Variants in SCAPER observed in about 807,000 individuals in gnomAD.
SCAPER encodes S-phase cyclin A associated protein in the ER, also known as S phase cyclin A-associated protein in the endoplasmic reticulum.
Under a neutral mutation model 182.2 loss-of-function variants are expected in SCAPER, and 98 were observed. That is an observed-to-expected ratio of 0.54 (90% CI 0.46 to 0.64). The LOEUF is 0.64. Ranked by LOEUF, SCAPER falls within the 30% of genes least tolerant of loss-of-function variation. The probability of loss-of-function intolerance (pLI) is 0.00; values close to 1 mark genes in which losing one functional copy is unlikely to be tolerated. For synonymous variants in SCAPER, 605 were observed against 564.6 expected (o/e 1.07, Z -1.01); for missense variants, 1,432 against 1,690.0 (o/e 0.85, Z 2.68).
intron 24 of SCAPER, chr15:76,472,342 C>G: frequency 1.4e-6 from 1 of 702,826 alleles, no homozygotes; most frequent in Non-Finnish European, 2.6e-6. Flanking sequence ...GCACAGAAAG[C>G]TGAAGGTGCT....
At chr15:76,689,401 A>G (rs1433097975) in intron 20 of SCAPER, among the ~76,000 whole-genome samples, 1 of 152,140 alleles carries the variant, frequency 6.6e-6, no homozygotes, top group African/African-American at 2.4e-5. Context: ...AGAAAACAGA[A>G]AACAGATTTT....
At chr15:76,765,716 A>T in intron 11 of SCAPER, 78 bp from the exon 12 acceptor site, 1 of 1,145,880 alleles carries the variant, frequency 8.7e-7, no homozygotes, top group Non-Finnish European at 1.3e-6. Flanking sequence ...ATACATGAAA[A>T]TGTCCTACCT....
chr15:76,646,583 G>T (rs1026855977), intron 21 of SCAPER, among the ~76,000 whole-genome samples: 1 of 152,124 alleles, frequency 6.6e-6, no homozygotes, highest in Non-Finnish European at 1.5e-5. Flanking sequence ...ACAGTCCAAT[G>T]ATTAGAACTT....
At chr15:76,874,866 G>A (rs2073031390) in intron 2 of SCAPER, among the ~76,000 whole-genome samples, 2 of 152,158 alleles carry the variant, frequency 1.3e-5, no homozygotes, top group African/African-American at 4.8e-5. Flanking sequence ...AGGAGGCTAA[G>A]GCAGGAGGAT....
chr15:76,616,548 T>A (rs961341799), intron 22 of SCAPER, among the ~76,000 whole-genome samples: 1 of 152,170 alleles, frequency 6.6e-6, no homozygotes, highest in Non-Finnish European at 1.5e-5. Flanking sequence ...ATGGATGATG[T>A]AATAGCTACA....
chr15:76,428,690 C>T (rs1022892670), intron 26 of SCAPER, among the ~76,000 whole-genome samples: 1 of 151,298 alleles, frequency 6.6e-6, no homozygotes, highest in Admixed American at 6.6e-5. Flanking sequence ...TACAAGGCTA[C>T]AATTAAATAG....
Position 76,844,057 on chromosome 15 carries a change from A to G in SCAPER, c.196-2126T>C, listed in dbSNP as rs545127573. Reference sequence around the variant, plus strand: ...GAAACAGGTTTAGCTAAATTAAATTATACCCCCAAGCCTCAAATTAACTTA... The same window carrying G: ...GAAACAGGTTTAGCTAAATTAAATTGTACCCCCAAGCCTCAAATTAACTTA... On this transcript the variant is annotated intron_variant, in intron 4 of 31. Transcript: ENST00000563290. Among the ~76,000 whole-genome samples the G allele has an allele frequency of 2.0e-5, 3 of 152,256 alleles. No homozygotes were observed. The East Asian group carries it at 5.8e-4, about 29-fold the overall frequency.
chr15:76,352,145 C>T (rs2040598604), intron 30 of SCAPER, among the ~76,000 whole-genome samples: 1 of 152,160 alleles, frequency 6.6e-6, no homozygotes, highest in Admixed American at 6.5e-5. Context: ...TTTGTTGAAG[C>T]CTCTCTGCCC....
intron 21 of SCAPER, among the ~76,000 whole-genome samples, chr15:76,640,423 G>T (rs1027678517): frequency 2.6e-5 from 4 of 152,188 alleles, no homozygotes; most frequent in Non-Finnish European, 4.4e-5. Flanking sequence ...GATAATTTAA[G>T]TTTAGACATA....
At chr15:76,819,742 T>G (rs1408358277) in intron 5 of SCAPER, among the ~76,000 whole-genome samples, 1 of 152,132 alleles carries the variant, frequency 6.6e-6, no homozygotes, top group Non-Finnish European at 1.5e-5. Context: ...GAGAATGACT[T>G]TGACCAGTTG....
At chr15:76,637,742 A>ATATGTG (rs1414519401) in intron 21 of SCAPER, among the ~76,000 whole-genome samples, 2 of 105,844 alleles carry the variant, frequency 1.9e-5, no homozygotes, top group African/African-American at 7.5e-5. Flanking sequence ...ATATATATAT[A>ATATGTG]TGTGTGTGTG....
chr15:76,810,945 G>A (rs1003917232), intron 5 of SCAPER, among the ~76,000 whole-genome samples: 5 of 152,014 alleles, frequency 3.3e-5, no homozygotes, highest in South Asian at 4.1e-4. Flanking sequence ...AGGTCCTTAC[G>A]TAACAATAAA....
intron 24 of SCAPER, among the ~76,000 whole-genome samples, chr15:76,480,601 A>G (rs192658390): frequency 4.6e-5 from 7 of 152,354 alleles, no homozygotes; most frequent in Admixed American, 3.3e-4. Context: ...GACCCCTCAT[A>G]CTGTGCAGCA....
intron 21 of SCAPER, among the ~76,000 whole-genome samples, chr15:76,652,961 C>T (rs763557816): frequency 6.6e-6 from 1 of 152,104 alleles, no homozygotes; most frequent in Non-Finnish European, 1.5e-5. Flanking sequence ...TATGATTCTA[C>T]ACCTAGGAAA....
intron 4 of SCAPER, among the ~76,000 whole-genome samples, chr15:76,847,398 A>C (rs997387971): frequency 6.6e-6 from 1 of 152,184 alleles, no homozygotes; most frequent in Non-Finnish European, 1.5e-5. Flanking sequence ...GGGAAGAATG[A>C]ATAAGACCTA....
intron 7 of SCAPER, chr15:76,797,358 T>C (rs1439011791): frequency 6.6e-6 from 1 of 152,148 alleles, no homozygotes; most frequent in Non-Finnish European, 1.5e-5. Flanking sequence ...TACCAGAGAT[T>C]GAAATACCAT....
In SCAPER at chr15:76,771,826, T is replaced by C; in HGVS notation, c.1164A>G (p.Thr388=). 1.2e-6 allele frequency: 2 copies of C among 1,613,194 alleles called. No individual in the cohort carries two copies. Among genetic ancestry groups the C allele is most frequent in the Non-Finnish European group, 1.7e-6 (2 of 1,179,426 alleles). ...ECVSVMLQAG[T]PPLQVNEEKF... Reference sequence around the variant, plus strand: ...TTTCTTCATTTACTTGTAAAGGAGGTGTACCAGCTTGCAGCATAACTGAAA... The same window carrying C: ...TTTCTTCATTTACTTGTAAAGGAGGCGTACCAGCTTGCAGCATAACTGAAA... The change falls in exon 10 of 32, where the codon ACA becomes ACG. Residue 388 remains threonine, a synonymous_variant. Coordinates refer to ENST00000563290, the MANE Select transcript of SCAPER (RefSeq NM_020843.4).
At chr15:76,472,370 C>T (rs947501786) in intron 24 of SCAPER, 21 of 709,186 alleles carry the variant, frequency 3.0e-5, no homozygotes, top group South Asian at 1.3e-4. Flanking sequence ...CCAAGTGAAG[C>T]GTGTGCATTT....
intron 22 of SCAPER, among the ~76,000 whole-genome samples, chr15:76,616,466 G>A (rs1264198073): frequency 6.6e-6 from 1 of 152,078 alleles, no homozygotes; most frequent in East Asian, 1.9e-4. Context: ...CAAGTGCTAG[G>A]AACAGGAGGT....
Sources: gnomAD v4.1 joint callset for allele counts (sites outside exome capture counted in the v4.1 genomes callset) on GRCh38, gnomAD v4.1.1 for gene constraint, MANE v1.5 for transcripts, NCBI Gene and HGNC (gene_info 2026-07-23, HGNC 2026-07-21) for gene names.